Variants in CLCA4 observed in about 807,000 individuals in gnomAD.
CLCA4 encodes the protein calcium-activated chloride channel regulator 4.
CLCA4 carries 69 observed loss-of-function variants against 78.9 expected under a neutral mutation model. The observed-to-expected ratio is 0.87, with a 90% CI of 0.72 to 1.07. The LOEUF (loss-of-function observed/expected upper bound fraction) is 1.07, where lower values mean the gene tolerates loss of function less well. Ranked by LOEUF, CLCA4 falls within the 50% of genes least tolerant of loss-of-function variation. CLCA4 has a pLI of 0.00. For synonymous variants in CLCA4, 362 were observed against 375.8 expected, an observed-to-expected ratio of 0.96 and a Z score of 0.42; for missense variants, 1,133 against 1,095.8, an observed-to-expected ratio of 1.03 and a Z score of -0.48.
chr1:86,580,275 T>G lies in CLCA4; in HGVS notation c.2690T>G (p.Ile897Ser), dbSNP rs980310370. Residue 897 changes from isoleucine (I) to serine (S), a missense_variant, in exon 14 of 14, where the codon ATT becomes AGT. Physicochemically the swap from Ile to Ser is moderately radical, Grantham distance 142 (BLOSUM62 -2). Transcript: ENST00000370563. ...AAAAGTCATAATTCTGGAGTTAATA[T>G]TTCTACGCTGGTATTGTCTGTGATT... ...PDKSHNSGVNISTLVLSVIGS... is the reference protein window; with the variant it reads ...PDKSHNSGVNSSTLVLSVIGS... The G allele has an allele frequency of 6.8e-6, 11 of 1,612,060 alleles. No individual in the cohort carries two copies. The Middle Eastern group carries it at 8.2e-4, about 121-fold the overall frequency.
At chr1:86,553,934 CA>C (rs545496112) in intron 1 of CLCA4, among the ~76,000 whole-genome samples, 175 of 145,962 alleles carry the variant, frequency 1.2e-3, no homozygotes, top group African/African-American at 3.5e-3. Flanking sequence ...AGACTCTGTC[CA>C]AAAAAAAAAG....
chr1:86,566,567 C>A (rs1266088591), intron 6 of CLCA4, among the ~76,000 whole-genome samples: 2 of 151,880 alleles, frequency 1.3e-5, no homozygotes, highest in African/African-American at 4.8e-5. Context: ...GGAATAAGGT[C>A]TTCAGCAAAT....
intron 13 of CLCA4, 23 bp from the exon 14 acceptor site, chr1:86,579,919 T>G: frequency 6.8e-7 from 1 of 1,469,078 alleles, no homozygotes; most frequent in Non-Finnish European, 9.3e-7. Flanking sequence ...GTCTCTAAAC[T>G]ACATGTAACT....
chr1:86,580,048 C>G lies in CLCA4; in HGVS notation c.2463C>G (p.Asn821Lys). The change falls in exon 14 of 14, where the codon AAC becomes AAG. Residue 821 changes from asparagine to lysine, a missense_variant. Physicochemically the swap from Asn to Lys is moderately conservative, Grantham distance 94 (BLOSUM62 0). Transcript: ENST00000370563. ...NTTDLSPKEA[N>K]SKESFAFKPE... Reference sequence around the variant, plus strand: ...CTGATCTGTCACCAAAGGAGGCCAACTCCAAGGAAAGCTTTGCATTTAAAC... The same window carrying G: ...CTGATCTGTCACCAAAGGAGGCCAAGTCCAAGGAAAGCTTTGCATTTAAAC... The G allele has an allele frequency of 6.2e-7, 1 of 1,612,914 alleles. No homozygotes were observed. Among genetic ancestry groups the G allele is most frequent in the Admixed American group, 1.7e-5 (1 of 59,864 alleles).
chr1:86,572,709 A>C lies in CLCA4; in HGVS notation c.1456A>C (p.Lys486Gln), dbSNP rs1172904174. ...LTSGNTDLSQ[K>Q]SLQLESKGLT... Reference sequence around the variant, plus strand: ...ATCAGGAAATACTGATCTCTCCCAGAAGTCCCTTCAGGTCAGAGTTCTCAT... The same window carrying C: ...ATCAGGAAATACTGATCTCTCCCAGCAGTCCCTTCAGGTCAGAGTTCTCAT... Residue 486 changes from lysine (K) to glutamine (Q), a missense_variant, in exon 9 of 14, where the codon AAG (lysine) becomes CAG (glutamine). Coordinates refer to ENST00000370563, the MANE Select transcript of CLCA4 (RefSeq NM_012128.4). The C allele has an allele frequency of 3.2e-6, 5 of 1,584,262 alleles. No individual in the cohort carries two copies. The highest frequency in any genetic ancestry group is 2.2e-5 in the East Asian group (1 of 44,640).
chr1:86,574,633 A>G lies in CLCA4; in HGVS notation c.1561A>G (p.Ile521Val), dbSNP rs777282683. The change falls in exon 10 of 14, where the codon ATC (isoleucine) becomes GTC (valine). Residue 521 changes from isoleucine to valine, a missense_variant. Physicochemically the swap from Ile to Val is conservative, Grantham distance 29. Coordinates refer to ENST00000370563, the MANE Select transcript of CLCA4 (RefSeq NM_012128.4). ...AGTGGGAAAGGACACGTTCTTTCTC[A>G]TCACATGGAACAGTCTGCCTCCCAG... ...STVGKDTFFL[I>V]TWNSLPPSIS... 4 of 1,613,360 alleles carry G rather than the reference A, an allele frequency of 2.5e-6. No individual in the cohort carries two copies. The highest frequency in any genetic ancestry group is 3.4e-6 in the Non-Finnish European group (4 of 1,179,510).
At chr1:86,553,761 CCT>C (rs1649741320) in intron 1 of CLCA4, among the ~76,000 whole-genome samples, 1 of 152,010 alleles carries the variant, frequency 6.6e-6, no homozygotes, top group Non-Finnish European at 1.5e-5. Context: ...ATTGCGAAAC[CCT>C]CTCTCTACTA....
intron 9 of CLCA4, among the ~76,000 whole-genome samples, chr1:86,573,679 A>G (rs1006449953): frequency 6.6e-6 from 1 of 152,068 alleles, no homozygotes; most frequent in African/African-American, 2.4e-5. Context: ...AGTGTGAGAT[A>G]TAGACTGCTA....
intron 1 of CLCA4, among the ~76,000 whole-genome samples, chr1:86,554,665 T>C (rs1383456869): frequency 6.6e-6 from 1 of 152,186 alleles, no homozygotes; most frequent in Non-Finnish European, 1.5e-5. Flanking sequence ...TTCAAGTGCA[T>C]GTGTGTCTTT....
intron 1 of CLCA4, among the ~76,000 whole-genome samples, chr1:86,548,684 GAAAAAA>G (rs10615856): frequency 1.1e-5 from 1 of 94,148 alleles, no homozygotes; most frequent in African/African-American, 4.0e-5. Flanking sequence ...TCCCTCTCTG[GAAAAAA>G]AAAAAAAAAA....
chr1:86,553,552 G>A (rs940616961), intron 1 of CLCA4, among the ~76,000 whole-genome samples: 31 of 152,332 alleles, frequency 2.0e-4, no homozygotes, highest in African/African-American at 6.7e-4. Flanking sequence ...GCCGCTCAGG[G>A]AGGAGCGCCC....
At chr1:86,547,535 A>G (rs1220313820) in intron 1 of CLCA4, among the ~76,000 whole-genome samples, 1 of 152,098 alleles carries the variant, frequency 6.6e-6, no homozygotes, top group Non-Finnish European at 1.5e-5. Flanking sequence ...TAATTTTCCT[A>G]TTGTACTATC....
intron 8 of CLCA4, among the ~76,000 whole-genome samples, chr1:86,572,134 GC>G (rs1650367136): frequency 6.6e-6 from 1 of 151,878 alleles, no homozygotes; most frequent in African/African-American, 2.4e-5. Flanking sequence ...CCTAAATATA[GC>G]AGCTCTTTCA....
At chr1:86,571,713 G>T (rs1162406644) in intron 8 of CLCA4, among the ~76,000 whole-genome samples, 3 of 151,974 alleles carry the variant, frequency 2.0e-5, no homozygotes, top group Non-Finnish European at 2.9e-5. Context: ...AACCCCATGA[G>T]ACCAGAGCAT....
rs538982850 is a variant in CLCA4, at chr1:86,551,107, C to A, written c.159+3829C>A. 2.5e-4 allele frequency among the ~76,000 whole-genome samples: 38 copies of A among 152,024 alleles called. No individual in the cohort carries two copies. In the South Asian group the frequency reaches 4.4e-3, roughly 17 times the overall value. On this transcript the variant is annotated intron_variant, in intron 1 of 13. Coordinates refer to ENST00000370563, the MANE Select transcript of CLCA4 (RefSeq NM_012128.4). ...CGGCCTCCCAAAGTGCTGGGATTAC[C>A]GTCGTGAGCCACCGCACCCAGCCTC...
Position 86,563,566 on chromosome 1 carries a change from A to G in CLCA4, c.449-95A>G, listed in dbSNP as rs2231584. 1.2e-5 allele frequency: 7 copies of G among 576,116 alleles called. No individual in the cohort carries two copies. The East Asian group carries it at 2.2e-4, about 18-fold the overall frequency. The allele number at this position is 576,116 out of a possible 1,614,324, so 35.7% of individuals were successfully genotyped here. On this transcript the variant is annotated intron_variant, in intron 3 of 13. Transcript: ENST00000370563. ...TGATAGTTGTTGAAAACCGAAATCT[A>G]AATATATTTTATAATTGAAAGAGAA...
In CLCA4 at chr1:86,577,963, T is replaced by G. The variant is rs1650570881; in HGVS notation, c.2013T>G (p.Asn671Lys). 10 of 1,612,880 alleles carry G rather than the reference T, an allele frequency of 6.2e-6. No homozygotes were observed. Among genetic ancestry groups the G allele is most frequent in the Non-Finnish European group, 8.5e-6 (10 of 1,179,330 alleles). ...YSRYFTAYTE[N>K]GRYSLKVRAH... ...GGTATTTTACAGCATATACAGAAAATGGCAGATATAGCTTAAAAGTTCGGG... is the reference window on the plus strand; with the variant it reads ...GGTATTTTACAGCATATACAGAAAAGGGCAGATATAGCTTAAAAGTTCGGG... Residue 671 changes from asparagine to lysine, a missense_variant, in exon 12 of 14, where the codon AAT (asparagine) becomes AAG (lysine). Transcript: ENST00000370563.
At chr1:86,576,496 T>G (rs536169076) in intron 11 of CLCA4, among the ~76,000 whole-genome samples, 1 of 152,164 alleles carries the variant, frequency 6.6e-6, no homozygotes, top group East Asian at 1.9e-4. Flanking sequence ...CATGTAATTT[T>G]TTGTCATCAT....
intron 11 of CLCA4, 74 bp from the exon 12 acceptor site, chr1:86,577,828 A>G (rs1650563687): frequency 8.4e-7 from 1 of 1,192,904 alleles, no homozygotes; most frequent in East Asian, 2.4e-5. Flanking sequence ...ATATGCTTGT[A>G]GAGGCCAATT....
Sources: gnomAD v4.1 joint callset for allele counts (sites outside exome capture counted in the v4.1 genomes callset) on GRCh38, gnomAD v4.1.1 for gene constraint, MANE v1.5 for transcripts, NCBI Gene and HGNC (gene_info 2026-07-23, HGNC 2026-07-21) for gene names.